The following LEKR1 variants were observed in gnomAD, a reference collection of about 807,000 sequenced individuals.
LEKR1 encodes leucine, glutamate and lysine rich 1.
Under a neutral mutation model 72.4 loss-of-function variants are expected in LEKR1, and 59 were observed. The ratio of observed to expected loss-of-function variants is 0.82; its 90% CI spans 0.66 to 1.01. LEKR1 has a LOEUF of 1.01. Ranked by LOEUF, LEKR1 falls within the 50% of genes least tolerant of loss-of-function variation. LEKR1 has a pLI of 0.00. For missense variants in LEKR1, 728 were observed against 759.2 expected (o/e 0.96, Z 0.48); for synonymous variants, 257 against 263.2 (o/e 0.98, Z 0.23).
chr3:156,994,986 G>A lies in LEKR1; in HGVS notation c.1109+1709G>A, dbSNP rs143290447. Among the ~76,000 whole-genome samples the A allele has an allele frequency of 3.9e-3, 598 of 152,268 alleles. 2 individuals carry two copies. Among genetic ancestry groups the A allele is most frequent in the African/African-American group, 0.013 (531 of 41,554 alleles). ...GCTTAAGCACATGTTTTAGACTCTC[G>A]TCAGTATGACAGATCTTTATCCTTT... is the stretch of plus-strand genomic sequence containing the variant. On this transcript the variant is annotated intron_variant, in intron 9 of 12. Transcript: ENST00000356539.
intron 12 of LEKR1, among the ~76,000 whole-genome samples, chr3:157,034,570 TTGAAA>T (rs1293612677): frequency 6.6e-6 from 1 of 152,206 alleles, no homozygotes; most frequent in Non-Finnish European, 1.5e-5. Context: ...AAGCCATTTG[TTGAAA>T]TGGAATCTAC....
Position 156,852,993 on chromosome 3 carries a change from T to G in LEKR1, c.263+11T>G, listed in dbSNP as rs1380979358. On this transcript the variant is annotated intron_variant, in intron 3 of 12. Coordinates refer to ENST00000356539, the MANE Select transcript of LEKR1 (RefSeq NM_001004316.3). The stretch of plus-strand genomic sequence containing the variant: ...ATCCAAAACAGAAAGGTTGAGTATG[T>G]TTTTCTTTTCTATCATTTATTTAGT... 18 of 1,506,618 alleles carry G rather than the reference T, an allele frequency of 1.2e-5. No homozygotes were observed. In the East Asian group the frequency reaches 3.9e-4, roughly 33 times the overall value. The allele number at this position is 1,506,618 out of a possible 1,614,324, so 93.3% of individuals were successfully genotyped here.
intron 3 of LEKR1, among the ~76,000 whole-genome samples, chr3:156,876,711 G>A (rs1436749373): frequency 1.3e-5 from 2 of 152,122 alleles, no homozygotes; most frequent in African/African-American, 4.8e-5. Context: ...TCAGATCCAG[G>A]AGCATTTTGG....
chr3:156,868,667 A>G (rs1185452708), intron 3 of LEKR1, among the ~76,000 whole-genome samples: 1 of 152,038 alleles, frequency 6.6e-6, no homozygotes, highest in Non-Finnish European at 1.5e-5. Context: ...TATAATTTCT[A>G]TAAATTTATA....
intron 3 of LEKR1, among the ~76,000 whole-genome samples, chr3:156,865,761 C>A (rs1717240822): frequency 6.6e-6 from 1 of 152,052 alleles, no homozygotes; most frequent in Non-Finnish European, 1.5e-5. Flanking sequence ...TGACCTCTCA[C>A]CCTTGGTTAT....
intron 3 of LEKR1, among the ~76,000 whole-genome samples, chr3:156,897,744 G>A (rs1288665934): frequency 6.6e-6 from 1 of 152,198 alleles, no homozygotes; most frequent in East Asian, 1.9e-4. Flanking sequence ...CCTGAGGTCA[G>A]GAGTTTGAGA....
At chr3:156,925,489 C>T (rs1175661607) in intron 4 of LEKR1, among the ~76,000 whole-genome samples, 3 of 152,008 alleles carry the variant, frequency 2.0e-5, no homozygotes, top group Non-Finnish European at 4.4e-5. Context: ...GAGGAATCCT[C>T]AATATTCTGC....
intron 6 of LEKR1, among the ~76,000 whole-genome samples, chr3:156,973,371 G>A (rs1407206801): frequency 1.3e-5 from 2 of 152,072 alleles, no homozygotes; most frequent in East Asian, 3.8e-4. Context: ...GATGATGGAA[G>A]ACACCCATAT....
intron 9 of LEKR1, 133 bp from the exon 10 acceptor site, chr3:157,011,280 G>A: frequency 3.3e-6 from 2 of 611,640 alleles, no homozygotes; most frequent in Non-Finnish European, 5.8e-6. Context: ...ATGATATGTA[G>A]TAGCAGCATA....
intron 3 of LEKR1, among the ~76,000 whole-genome samples, chr3:156,917,004 A>G (rs1366879550): frequency 6.6e-6 from 1 of 152,136 alleles, no homozygotes; most frequent in East Asian, 1.9e-4. Flanking sequence ...AGAGAAACAG[A>G]AGCAATGCAG....
chr3:156,862,908 GA>G (rs1716926018), intron 3 of LEKR1, among the ~76,000 whole-genome samples: 1 of 152,030 alleles, frequency 6.6e-6, no homozygotes, highest in Non-Finnish European at 1.5e-5. Context: ...TTTCTTTGCA[GA>G]AAGGATATGC....
intron 1 of LEKR1, among the ~76,000 whole-genome samples, chr3:156,827,320 G>A (rs2108525993): frequency 6.6e-6 from 1 of 152,304 alleles, no homozygotes; most frequent in South Asian, 2.1e-4. Flanking sequence ...CAGTCTCCTT[G>A]TCACTTTGGG....
intron 5 of LEKR1, among the ~76,000 whole-genome samples, chr3:156,933,679 G>A (rs145284816): frequency 6.6e-6 from 1 of 152,084 alleles, no homozygotes; most frequent in Admixed American, 6.6e-5. Context: ...TTACATTTGT[G>A]TTGCATTATT....
chr3:156,941,669 A>C (rs935877911), intron 5 of LEKR1, among the ~76,000 whole-genome samples: 7 of 152,108 alleles, frequency 4.6e-5, no homozygotes, highest in African/African-American at 1.4e-4. Context: ...CAGACTGTCC[A>C]AATTTTCATC....
chr3:156,896,745 G>A (rs1343295750), intron 3 of LEKR1, among the ~76,000 whole-genome samples: 1 of 152,156 alleles, frequency 6.6e-6, no homozygotes, highest in Non-Finnish European at 1.5e-5. Context: ...ACATATGCAT[G>A]CATATGTCCA....
chr3:157,021,175 A>G (rs1733804772), intron 10 of LEKR1, among the ~76,000 whole-genome samples: 1 of 151,982 alleles, frequency 6.6e-6, no homozygotes, highest in Non-Finnish European at 1.5e-5. Context: ...GATTCTGGAT[A>G]TTAGCCCTTT....
chr3:156,869,020 C>T (rs1056999813), intron 3 of LEKR1, among the ~76,000 whole-genome samples: 1 of 152,018 alleles, frequency 6.6e-6, no homozygotes, highest in African/African-American at 2.4e-5. Context: ...CTGCAAATGG[C>T]ATGATTTCAT....
intron 3 of LEKR1, among the ~76,000 whole-genome samples, chr3:156,908,918 C>T (rs1327536033): frequency 2.6e-5 from 4 of 152,192 alleles, no homozygotes; most frequent in Non-Finnish European, 4.4e-5. Context: ...TCCCAAATCT[C>T]ATCTTGAATT....
At chr3:156,922,021 T>C (rs563627778) in intron 4 of LEKR1, among the ~76,000 whole-genome samples, 2 of 152,318 alleles carry the variant, frequency 1.3e-5, no homozygotes, top group African/African-American at 4.8e-5. Flanking sequence ...TGATTTTTGC[T>C]CATTTTTAGC....
Sources: allele counts gnomAD v4.1 joint callset (sites outside exome capture counted in the v4.1 genomes callset), GRCh38; gene constraint gnomAD v4.1.1; transcripts MANE v1.5; gene names NCBI Gene and HGNC (gene_info 2026-07-23, HGNC 2026-07-21).